DPF3: variants seen among roughly 807,000 people sequenced by gnomAD.
DPF3 encodes the protein zinc finger protein DPF3.
A neutral mutation model predicts 56.8 loss-of-function variants in DPF3; 18 were observed. The ratio of observed to expected loss-of-function variants is 0.32; its 90% CI spans 0.22 to 0.47. The LOEUF is 0.47. Among genes scored for constraint, DPF3 ranks in the 20% least tolerant of loss-of-function variants. The pLI, the probability that DPF3 is intolerant of heterozygous loss-of-function variation, is 1.00. For missense variants in DPF3, 403 were observed against 488.8 expected (o/e 0.82, Z 1.65); for synonymous variants, 188 against 180.2 (o/e 1.04, Z -0.35).
chr14:72,800,386 ATGGATG>A (rs1344752737), intron 1 of DPF3, among the ~76,000 whole-genome samples: 2,473 of 151,664 alleles, frequency 0.016, 37 homozygotes, highest in Admixed American at 0.023. Context: ...AAATGGATGG[ATGGATG>A]GATGGATGGA....
chr14:72,867,044 C>T (rs1160243062), intron 1 of DPF3, among the ~76,000 whole-genome samples: 1 of 137,812 alleles, frequency 7.3e-6, no homozygotes, highest in African/African-American at 2.5e-5. Context: ...GGTATTTCAA[C>T]AGGACGGCTT....
chr14:72,716,966 C>A lies in DPF3; in HGVS notation c.526-2465G>T, dbSNP rs141507264. Among the ~76,000 whole-genome samples, 107 of 152,276 alleles carry A rather than the reference C, an allele frequency of 7.0e-4. 3 individuals carry two copies. In the East Asian group the frequency reaches 0.018, roughly 26 times the overall value. On this transcript the variant is annotated intron_variant, in intron 5 of 10. Transcript: ENST00000556509. ...CGGGGGATCTACCTCCACACTGCCC[C>A]CCTAGTCCATCCCAAGGGACTTTCA... is the stretch of plus-strand genomic sequence containing the variant.
In DPF3 at chr14:72,609,036, GT is replaced by G. The variant is rs1185562654; in HGVS notation, c.*10260del. Among the ~76,000 whole-genome samples, 1 of 152,214 alleles carries G rather than the reference GT, an allele frequency of 6.6e-6. No homozygotes were observed. The highest frequency in any genetic ancestry group is 1.5e-5 in the Non-Finnish European group (1 of 68,042). ...GTAGGGAAAATAAGAGTTTCCAAGA[GT>G]TTTAAAGCCTTTTATTTGTTTACAC... On this transcript the variant is annotated 3_prime_UTR_variant, in exon 11 of 11. Transcript: ENST00000556509.
intron 1 of DPF3, chr14:72,892,371 G>T (rs547751213): frequency 9.2e-6 from 14 of 1,528,406 alleles, no homozygotes; most frequent in South Asian, 7.2e-5. Flanking sequence ...ACGCTGTGGC[G>T]TTCAAGCGCA....
At chr14:72,816,744 A>G (rs1000357590) in intron 1 of DPF3, among the ~76,000 whole-genome samples, 1 of 152,190 alleles carries the variant, frequency 6.6e-6, no homozygotes, top group Non-Finnish European at 1.5e-5. Context: ...AAATGTCACA[A>G]ATTTTCTCCA....
At chr14:72,719,314 C>T (rs1393007869) in intron 5 of DPF3, among the ~76,000 whole-genome samples, 2 of 148,662 alleles carry the variant, frequency 1.3e-5, no homozygotes, top group East Asian at 2.0e-4. Context: ...CCTCCCACCT[C>T]GGCTTCCCAA....
In DPF3 at chr14:72,863,482, C is replaced by T. The variant is rs938905045; in HGVS notation, c.32+30575G>A. Among the ~76,000 whole-genome samples, 3 of 148,586 alleles carry T rather than the reference C, an allele frequency of 2.0e-5. No homozygotes were observed. The South Asian group carries it at 6.5e-4, about 32-fold the overall frequency. On this transcript the variant is annotated intron_variant, in intron 1 of 10. Transcript: ENST00000556509. ...AACTCCTTCTGAGGTCATGAGTAAG[C>T]TGATTGAAGCTGGCACCAGAGTGAC...
At chr14:72,778,045 A>T (rs1891819360) in intron 1 of DPF3, among the ~76,000 whole-genome samples, 1 of 152,132 alleles carries the variant, frequency 6.6e-6, no homozygotes, top group South Asian at 2.1e-4. Context: ...TCACTCTCTC[A>T]ATCTCTGCCA....
intron 7 of DPF3, among the ~76,000 whole-genome samples, chr14:72,689,392 A>T (rs1887576495): frequency 6.6e-6 from 1 of 152,088 alleles, no homozygotes. Context: ...AAAAGTCAGC[A>T]TTTCCACTTC....
At chr14:72,810,988 G>A (rs79371625) in intron 1 of DPF3, among the ~76,000 whole-genome samples, 8,666 of 152,264 alleles carry the variant, frequency 0.057, 794 homozygotes, top group African/African-American at 0.2. Flanking sequence ...GAGCAACCAC[G>A]GTGCCGGCAT....
intron 1 of DPF3, among the ~76,000 whole-genome samples, chr14:72,772,880 G>A (rs7158910): frequency 0.011 from 1,650 of 152,226 alleles, 29 homozygotes; most frequent in African/African-American, 0.038. Flanking sequence ...CTCTTACTGG[G>A]GTCGGGGGGC....
chr14:72,645,934 C>T (rs1885710909), intron 8 of DPF3, among the ~76,000 whole-genome samples: 1 of 152,168 alleles, frequency 6.6e-6, no homozygotes, highest in Admixed American at 6.5e-5. Context: ...GTGGGCCCAT[C>T]GACCACTTGC....
chr14:72,711,284 C>T (rs1888642593), intron 6 of DPF3, among the ~76,000 whole-genome samples: 1 of 152,164 alleles, frequency 6.6e-6, no homozygotes, highest in African/African-American at 2.4e-5. Context: ...AATTTAACTA[C>T]TGGGCAATGT....
chr14:72,850,804 T>C (rs1196498110), intron 1 of DPF3, among the ~76,000 whole-genome samples: 3 of 124,504 alleles, frequency 2.4e-5, no homozygotes, highest in Non-Finnish European at 3.5e-5. Flanking sequence ...TGTGCATGTG[T>C]GCATGTGTGT....
intron 1 of DPF3, chr14:72,836,075 A>C (rs1257966070): frequency 1.0e-6 from 1 of 985,352 alleles, no homozygotes; most frequent in African/African-American, 1.7e-5. Context: ...TGAAATTAGC[A>C]CAACTTACAT....
chr14:72,647,177 G>T (rs1885751953), intron 8 of DPF3, among the ~76,000 whole-genome samples: 1 of 152,190 alleles, frequency 6.6e-6, no homozygotes, highest in South Asian at 2.1e-4. Context: ...CTACTGCTTT[G>T]TTAAGCTGGA....
Position 72,805,051 on chromosome 14 carries a change from G to GACACACACACACACACACACACACACAC in DPF3, c.33-33159_33-33158insGTGTGTGTGTGTGTGTGTGTGTGTGTGT, listed in dbSNP as rs138162317. On this transcript the variant is annotated intron_variant, in intron 1 of 10. Transcript: ENST00000556509. ...AAAACGAGGGAGTCCCACAGCCCTG[G>GACACACACACACACACACACACACACAC]ACACACACACACACACAAACACACA... Among the ~76,000 whole-genome samples, 1,457 of 146,416 alleles carry GACACACACACACACACACACACACACAC rather than the reference G, an allele frequency of 1.0e-2. 22 individuals are homozygous for GACACACACACACACACACACACACACAC. The highest frequency in any genetic ancestry group is 0.031 in the African/African-American group (1,210 of 39,342).
At chr14:72,781,577 C>T (rs1599435428) in intron 1 of DPF3, among the ~76,000 whole-genome samples, 1 of 152,254 alleles carries the variant, frequency 6.6e-6, no homozygotes, top group East Asian at 1.9e-4. Context: ...TATATTGAAC[C>T]TGGCCATGAT....
intron 8 of DPF3, among the ~76,000 whole-genome samples, chr14:72,659,225 G>C (rs1366773358): frequency 6.6e-6 from 1 of 152,130 alleles, no homozygotes; most frequent in Non-Finnish European, 1.5e-5. Context: ...ATTCACCAAA[G>C]ATACCTGCTC....
Sources: allele counts gnomAD v4.1 joint callset (sites outside exome capture counted in the v4.1 genomes callset), GRCh38; gene constraint gnomAD v4.1.1; transcripts MANE v1.5; gene names NCBI Gene and HGNC (gene_info 2026-07-23, HGNC 2026-07-21).